Variants in PTPN2 observed in about 807,000 individuals in gnomAD.
PTPN2 encodes protein tyrosine phosphatase non-receptor type 2.
PTPN2 carries 19 observed loss-of-function variants against 57.3 expected under a neutral mutation model. The observed-to-expected ratio is 0.33, with a 90% CI of 0.23 to 0.49. PTPN2 has a LOEUF of 0.49. Among genes scored for constraint, PTPN2 ranks in the 20% least tolerant of loss-of-function variants. PTPN2 has a pLI of 0.99. For missense variants in PTPN2, 358 were observed against 501.1 expected, an observed-to-expected ratio of 0.71 and a Z score of 2.73; for synonymous variants, 153 against 164.9, an observed-to-expected ratio of 0.93 and a Z score of 0.55.
chr18:12,883,265 GA>G (rs1243872482), intron 1 of PTPN2, among the ~76,000 whole-genome samples: 2 of 152,156 alleles, frequency 1.3e-5, no homozygotes, highest in African/African-American at 4.8e-5. Flanking sequence ...CCTCAGTAAG[GA>G]AAACTATAAA....
At chr18:12,825,410 C>T (rs946462858) in intron 5 of PTPN2, among the ~76,000 whole-genome samples, 3 of 152,000 alleles carry the variant, frequency 2.0e-5, no homozygotes, top group Admixed American at 6.6e-5. Flanking sequence ...AGGACAGCCC[C>T]GGAGGGAAGG....
chr18:12,851,604 A>G (rs889279258), intron 2 of PTPN2, among the ~76,000 whole-genome samples: 1 of 152,160 alleles, frequency 6.6e-6, no homozygotes, highest in Non-Finnish European at 1.5e-5. Flanking sequence ...CCAAAATTCT[A>G]TTCATTTTTG....
At chr18:12,821,130 T>C (rs1291511499) in intron 5 of PTPN2, among the ~76,000 whole-genome samples, 5 of 151,216 alleles carry the variant, frequency 3.3e-5, no homozygotes, top group African/African-American at 1.2e-4. Context: ...ACTTTAGGTA[T>C]ATATGGAAGG....
chr18:12,794,198 G>T lies in PTPN2; in HGVS notation c.*80C>A. The T allele has an allele frequency of 6.3e-7, 1 of 1,579,150 alleles. No individual in the cohort carries two copies. The highest frequency in any genetic ancestry group is 1.8e-5 in the Admixed American group (1 of 54,100). Reference sequence around the variant, plus strand: ...CTGCACCGTTTTTGGGATATGAGGCGTTTGCTGCAGACAAACCCCTATGAT... The same window carrying T: ...CTGCACCGTTTTTGGGATATGAGGCTTTTGCTGCAGACAAACCCCTATGAT... On this transcript the variant is annotated 3_prime_UTR_variant, in exon 9 of 9. Coordinates refer to ENST00000309660, the MANE Select transcript of PTPN2 (RefSeq NM_002828.4).
intron 1 of PTPN2, among the ~76,000 whole-genome samples, chr18:12,870,437 AT>A (rs1568169573): frequency 4.9e-4 from 13 of 26,540 alleles, no homozygotes; most frequent in Non-Finnish European, 6.8e-4. Flanking sequence ...GTATATATAT[AT>A]GTGTATATAT....
At chr18:12,801,628 T>C (rs2041428614) in intron 8 of PTPN2, among the ~76,000 whole-genome samples, 1 of 152,108 alleles carries the variant, frequency 6.6e-6, no homozygotes, top group Non-Finnish European at 1.5e-5. Context: ...AGTGCAGTGG[T>C]GGTATGTCAG....
chr18:12,840,764 C>T (rs758206082), intron 2 of PTPN2: 2 of 1,598,366 alleles, frequency 1.3e-6, no homozygotes, highest in East Asian at 4.5e-5. Context: ...CCAGTTGGTG[C>T]CTTTACCATC....
At chr18:12,807,606 A>ATATATATATATATATATATAT (rs2041729662) in intron 7 of PTPN2, among the ~76,000 whole-genome samples, 1 of 92,196 alleles carries the variant, frequency 1.1e-5, no homozygotes, top group Non-Finnish European at 2.5e-5. Flanking sequence ...TATATATATA[A>ATATATATATATATATATATAT]TATAATACTA....
intron 1 of PTPN2, 148 bp downstream of exon 1, chr18:12,883,925 G>A: frequency 1.8e-6 from 1 of 563,200 alleles, no homozygotes; most frequent in Non-Finnish European, 3.0e-6. Flanking sequence ...CAGCGCAGGC[G>A]CGCCCCTGAC....
chr18:12,875,317 T>TAAAA (rs10654132), intron 1 of PTPN2, among the ~76,000 whole-genome samples: 15 of 145,056 alleles, frequency 1.0e-4, no homozygotes, highest in African/African-American at 3.8e-4. Flanking sequence ...AAATAAAAAT[T>TAAAA]AAAAAAAAAA....
chr18:12,802,801 G>A (rs2041481983), intron 7 of PTPN2, among the ~76,000 whole-genome samples: 1 of 152,134 alleles, frequency 6.6e-6, no homozygotes, highest in Admixed American at 6.5e-5. Flanking sequence ...GTCTTTCCCA[G>A]ACAAGCAAAA....
intron 3 of PTPN2, among the ~76,000 whole-genome samples, chr18:12,832,626 G>A (rs1313476248): frequency 1.3e-5 from 2 of 152,066 alleles, no homozygotes; most frequent in Non-Finnish European, 2.9e-5. Context: ...ACAAAACACA[G>A]TCTAAAGGTA....
At chr18:12,833,056 T>C (rs2042724745) in intron 3 of PTPN2, among the ~76,000 whole-genome samples, 1 of 152,246 alleles carries the variant, frequency 6.6e-6, no homozygotes, top group African/African-American at 2.4e-5. Flanking sequence ...CCCCAAGTGC[T>C]GGGATTACAG....
chr18:12,786,930 A>C (rs2040858603), intron 9 of PTPN2: 1 of 152,230 alleles, frequency 6.6e-6, no homozygotes, highest in Admixed American at 6.5e-5. Flanking sequence ...GGTGTTTATT[A>C]CATGAATCTT....
intron 1 of PTPN2, among the ~76,000 whole-genome samples, chr18:12,870,454 T>TAG (rs1458157048): frequency 0.014 from 604 of 44,264 alleles, 20 homozygotes; most frequent in Non-Finnish European, 0.018. Context: ...TATATATATA[T>TAG]ATATATATAG....
chr18:12,831,137 A>G, intron 3 of PTPN2, 96 bp from the exon 4 acceptor site: 2 of 760,916 alleles, frequency 2.6e-6, no homozygotes. Context: ...GGATGTTACA[A>G]GACAGACAGC....
At chr18:12,870,297 A>ATATGTGTG (rs1555679444) in intron 1 of PTPN2, among the ~76,000 whole-genome samples, 1 of 67,832 alleles carries the variant, frequency 1.5e-5, no homozygotes, top group African/African-American at 8.9e-5. Context: ...ATACATATAT[A>ATATGTGTG]TGTGTATATA....
chr18:12,858,404 G>A (rs2043670019), intron 2 of PTPN2, among the ~76,000 whole-genome samples: 1 of 152,192 alleles, frequency 6.6e-6, no homozygotes, highest in Non-Finnish European at 1.5e-5. Flanking sequence ...ACCGCATGAT[G>A]ATGAATACAC....
chr18:12,835,152 A>G (rs755034609), intron 3 of PTPN2, among the ~76,000 whole-genome samples: 2 of 152,190 alleles, frequency 1.3e-5, no homozygotes, highest in Non-Finnish European at 2.9e-5. Flanking sequence ...GGTATTTCAA[A>G]CAGAAAATAA....
Sources: allele counts gnomAD v4.1 joint callset (sites outside exome capture counted in the v4.1 genomes callset), GRCh38; gene constraint gnomAD v4.1.1; transcripts MANE v1.5; gene names NCBI Gene and HGNC (gene_info 2026-07-23, HGNC 2026-07-21).